The following ANO2 variants were observed in gnomAD, a reference collection of about 807,000 sequenced individuals.
The protein encoded by ANO2 is anoctamin-2.
Under a neutral mutation model 124.2 loss-of-function variants are expected in ANO2, and 101 were observed. That is an observed-to-expected ratio of 0.81 (90% CI 0.69 to 0.96). The LOEUF (loss-of-function observed/expected upper bound fraction) is 0.96, where lower values mean the gene tolerates loss of function less well. Among genes scored for constraint, ANO2 ranks in the 40% least tolerant of loss-of-function variants. ANO2 has a pLI of 0.00. For synonymous variants in ANO2, 486 were observed against 482.5 expected, an observed-to-expected ratio of 1.01 and a Z score of -0.09; for missense variants, 1,293 against 1,274.5, an observed-to-expected ratio of 1.01 and a Z score of -0.22.
intron 14 of ANO2, among the ~76,000 whole-genome samples, chr12:5,676,600 C>A (rs1191385804): frequency 2.0e-5 from 3 of 151,740 alleles, no homozygotes; most frequent in African/African-American, 7.3e-5. Context: ...TGTGAGTTTC[C>A]ATTTTTTTTT....
Position 5,854,099 on chromosome 12 carries a change from A to G in ANO2, c.577T>C (p.Trp193Arg), listed in dbSNP as rs757805406. The G allele has an allele frequency of 6.2e-7, 1 of 1,613,320 alleles. No individual in the cohort carries two copies. Among genetic ancestry groups the G allele is most frequent in the Non-Finnish European group, 8.5e-7 (1 of 1,179,424 alleles). ...GSIFVRIHAP[W>R]QVLAREAEFL... ...TCTGCCTCTCTGGCCAGCACCTGCC[A>G]CGGGGCGTGTATCCGGACAAAGATG... is the stretch of plus-strand genomic sequence containing the variant. Residue 193 changes from tryptophan to arginine, a missense_variant, in exon 4 of 25, where the codon TGG (tryptophan) becomes CGG (arginine). Physicochemically the swap from Trp to Arg is moderately radical, Grantham distance 101 (BLOSUM62 -3). Transcript: ENST00000682330.
intron 3 of ANO2, among the ~76,000 whole-genome samples, chr12:5,899,293 G>A (rs1204473122): frequency 6.6e-6 from 1 of 152,186 alleles, no homozygotes; most frequent in Non-Finnish European, 1.5e-5. Flanking sequence ...TAGCCAAAGT[G>A]CATGATTCCC....
At chr12:5,676,824 C>T (rs1436777838) in intron 14 of ANO2, among the ~76,000 whole-genome samples, 2 of 152,084 alleles carry the variant, frequency 1.3e-5, no homozygotes, top group Non-Finnish European at 2.9e-5. Flanking sequence ...GAGGCCGAGC[C>T]AGGCAGATCA....
chr12:5,941,861 G>T (rs1219559311), intron 1 of ANO2, among the ~76,000 whole-genome samples: 1 of 152,152 alleles, frequency 6.6e-6, no homozygotes, highest in Non-Finnish European at 1.5e-5. Context: ...TACCCAGAGG[G>T]CTGGGGCTGG....
At chr12:5,647,642 A>G in intron 15 of ANO2, 85 bp downstream of exon 15, 1 of 1,094,612 alleles carries the variant, frequency 9.1e-7, no homozygotes, top group African/African-American at 1.6e-5. Flanking sequence ...CATTATTTCC[A>G]TAGCAGAATA....
At chr12:5,625,192 T>A (rs975534639) in intron 16 of ANO2, among the ~76,000 whole-genome samples, 1 of 151,642 alleles carries the variant, frequency 6.6e-6, no homozygotes, top group African/African-American at 2.4e-5. Flanking sequence ...GTGAATGGTG[T>A]GGGGGGGAGT....
intron 14 of ANO2, among the ~76,000 whole-genome samples, chr12:5,706,065 G>T (rs1374820302): frequency 6.6e-6 from 1 of 152,200 alleles, no homozygotes; most frequent in African/African-American, 2.4e-5. Flanking sequence ...GAGGGTCAGA[G>T]AAAGTGCATT....
At chr12:5,707,970 C>T (rs909220313) in intron 14 of ANO2, among the ~76,000 whole-genome samples, 8 of 152,342 alleles carry the variant, frequency 5.3e-5, no homozygotes, top group Non-Finnish European at 2.9e-5. Flanking sequence ...CTGGACCCAA[C>T]TGCCTAAATG....
intron 3 of ANO2, among the ~76,000 whole-genome samples, chr12:5,882,287 G>A (rs117977363): frequency 0.027 from 4,045 of 152,298 alleles, 83 homozygotes; most frequent in Middle Eastern, 0.054. Flanking sequence ...GAAGGAGGTG[G>A]ATATAAAAAA....
At chr12:5,573,977 G>A (rs944785751) in intron 23 of ANO2, among the ~76,000 whole-genome samples, 2 of 152,190 alleles carry the variant, frequency 1.3e-5, no homozygotes, top group African/African-American at 2.4e-5. Context: ...GCTGTCTTAC[G>A]AAAGGCTGGC....
intron 14 of ANO2, among the ~76,000 whole-genome samples, chr12:5,704,870 T>A (rs369251871): frequency 1.3e-5 from 2 of 152,178 alleles, no homozygotes; most frequent in East Asian, 3.8e-4. Context: ...ACAAGAATTA[T>A]CTGAAAAATA....
chr12:5,932,118 G>A (rs1186229434), intron 1 of ANO2, among the ~76,000 whole-genome samples: 1 of 141,432 alleles, frequency 7.1e-6, no homozygotes, highest in Non-Finnish European at 1.5e-5. Flanking sequence ...AGACTAGTAA[G>A]GAAGGAAGAC....
intron 23 of ANO2, among the ~76,000 whole-genome samples, chr12:5,568,196 G>A (rs1206470491): frequency 6.9e-6 from 1 of 144,752 alleles, no homozygotes; most frequent in Admixed American, 7.1e-5. Flanking sequence ...CTGGAGTGCA[G>A]GAACGTGATC....
chr12:5,704,219 T>C (rs963496944), intron 14 of ANO2, among the ~76,000 whole-genome samples: 1 of 152,092 alleles, frequency 6.6e-6, no homozygotes, highest in African/African-American at 2.4e-5. Context: ...CTTGACAAAA[T>C]GGAGAAATGT....
rs377227331 is a variant in ANO2, at chr12:5,798,310, T to C, written c.1055+1197A>G. Among the ~76,000 whole-genome samples the C allele has an allele frequency of 4.1e-4, 62 of 152,132 alleles. No individual in the cohort carries two copies. The South Asian group carries it at 0.012, about 30-fold the overall frequency. ...CCCCACCCAAGACCTTGGTTCACGG[T>C]CCTCAGCTGGAACAAACACCTGCTT... On this transcript the variant is annotated intron_variant, in intron 10 of 24. Transcript: ENST00000682330.
chr12:5,683,537 T>C (rs1171159274), intron 14 of ANO2, among the ~76,000 whole-genome samples: 1 of 152,166 alleles, frequency 6.6e-6, no homozygotes, highest in African/African-American at 2.4e-5. Flanking sequence ...ATCTCTGTGT[T>C]GGCCACATAC....
rs769369868 is a variant in ANO2 at position 5,640,339 on chromosome 12, T to C, written c.1621-4992A>G. Among the ~76,000 whole-genome samples, 11 of 152,274 alleles carry C rather than the reference T, an allele frequency of 7.2e-5. No homozygotes were observed. The South Asian group carries it at 1.9e-3, about 26-fold the overall frequency. ...CCCGAACTTTATCACAGAAAGTTAC[T>C]TCCTTCTAAGCACCACCCTGACCCC... is the stretch of plus-strand genomic sequence containing the variant. On this transcript the variant is annotated intron_variant, in intron 15 of 24. Coordinates refer to ENST00000682330, the MANE Select transcript of ANO2 (RefSeq NM_001364791.2).
intron 4 of ANO2, among the ~76,000 whole-genome samples, chr12:5,841,093 G>A (rs1207928979): frequency 3.3e-5 from 5 of 152,212 alleles, no homozygotes; most frequent in African/African-American, 9.7e-5. Flanking sequence ...TGGTGCCTGC[G>A]AGAGGCACAC....
intron 10 of ANO2, among the ~76,000 whole-genome samples, chr12:5,755,808 T>G (rs2137099359): frequency 6.6e-6 from 1 of 152,318 alleles, no homozygotes; most frequent in East Asian, 1.9e-4. Flanking sequence ...TCCATCAAAT[T>G]CAATTTTAAG....
Sources: gnomAD v4.1 joint callset for allele counts (sites outside exome capture counted in the v4.1 genomes callset) on GRCh38, gnomAD v4.1.1 for gene constraint, MANE v1.5 for transcripts, NCBI Gene and HGNC (gene_info 2026-07-23, HGNC 2026-07-21) for gene names.